CHST11: variants seen among roughly 807,000 people sequenced by gnomAD.
The protein encoded by CHST11 is C4S-1.
CHST11 carries 9 observed loss-of-function variants against 30.4 expected under a neutral mutation model. That is an observed-to-expected ratio of 0.30 (90% CI 0.18 to 0.52). The LOEUF (loss-of-function observed/expected upper bound fraction) is 0.52. Ranked by LOEUF, CHST11 falls within the 20% of genes least tolerant of loss-of-function variation. The pLI is 0.97. For synonymous variants in CHST11, 152 were observed against 187.8 expected (o/e 0.81, Z 1.56); for missense variants, 348 against 460.6 (o/e 0.76, Z 2.24).
chr12:104,487,891 C>T (rs1454521746), intron 1 of CHST11, among the ~76,000 whole-genome samples: 1 of 151,424 alleles, frequency 6.6e-6, no homozygotes, highest in Non-Finnish European at 1.5e-5. Flanking sequence ...CCACTTCGTA[C>T]ATCTATTAGA....
In CHST11 at chr12:104,761,488, C is replaced by CACAT. The variant is rs2040525509; in HGVS notation, c.*3688_*3689insTACA. On this transcript the variant is annotated 3_prime_UTR_variant, in exon 3 of 3. Coordinates refer to ENST00000303694, the MANE Select transcript of CHST11 (RefSeq NM_018413.6). ...CTACACACACACACACACACACACA[C>CACAT]ACACACACACACAATCTCAGCTGCG... The CACAT allele has an allele frequency of 6.5e-6, 1 of 154,026 alleles. No individual in the cohort carries two copies. The highest frequency in any genetic ancestry group is 2.4e-5 in the African/African-American group (1 of 41,388). The allele number at this position is 154,026 out of a possible 1,614,324, so 9.5% of individuals were successfully genotyped here. A position where few individuals can be genotyped will look rare whatever the true frequency, so the allele number is the denominator to read the frequency against.
chr12:104,547,217 G>T (rs1251060182), intron 1 of CHST11, among the ~76,000 whole-genome samples: 2 of 152,212 alleles, frequency 1.3e-5, no homozygotes, highest in African/African-American at 4.8e-5. Flanking sequence ...AGAAAGAAAT[G>T]CAGCCCCAGA....
At chr12:104,630,838 A>G (rs1162684446) in intron 2 of CHST11, among the ~76,000 whole-genome samples, 1 of 152,190 alleles carries the variant, frequency 6.6e-6, no homozygotes, top group African/African-American at 2.4e-5. Flanking sequence ...AAATGAGCAT[A>G]ATTGGATATC....
chr12:104,590,429 C>A (rs1436191288), intron 1 of CHST11, among the ~76,000 whole-genome samples: 2 of 152,194 alleles, frequency 1.3e-5, no homozygotes, highest in Non-Finnish European at 2.9e-5. Flanking sequence ...AGTTTCCTGT[C>A]TTTTGGGAAA....
In CHST11 at chr12:104,757,169, G is replaced by A; in HGVS notation, c.425G>A (p.Gly142Glu). 1 of 1,614,118 alleles carries A rather than the reference G, an allele frequency of 6.2e-7. No homozygotes were observed. Among genetic ancestry groups the A allele is most frequent in the South Asian group, 1.1e-5 (1 of 91,080 alleles). Residue 142 changes from glycine to glutamate, a missense_variant, in exon 3 of 3, where the codon GGG (glycine) becomes GAG (glutamate). This residue lies in a region of CHST11 where 210 missense variants were observed against 287.2 expected (regional missense o/e 0.73). Transcript: ENST00000303694. This position sits in a 1 kb window ranked among gnomAD's most constrained non-coding sequence, Gnocchi z 6.5. ...CTCATGATGGTCCTGACCGGGCGGG[G>A]GAAGTACAGCGACCCCATGGAGATC... ...KRLMMVLTGR[G>E]KYSDPMEIPA...
chr12:104,560,799 G>A (rs1235988364), intron 1 of CHST11, among the ~76,000 whole-genome samples: 1 of 152,204 alleles, frequency 6.6e-6, no homozygotes. Context: ...TAGACTGTGA[G>A]CTCCTTGAGT....
intron 1 of CHST11, among the ~76,000 whole-genome samples, chr12:104,512,218 A>G (rs1447004936): frequency 1.3e-5 from 2 of 152,238 alleles, no homozygotes; most frequent in Admixed American, 1.3e-4. Context: ...TCCAGGGTAG[A>G]AAGAAAATGA....
chr12:104,657,766 C>G (rs116516891), intron 2 of CHST11, among the ~76,000 whole-genome samples: 1 of 152,152 alleles, frequency 6.6e-6, no homozygotes. Context: ...CTCTGGACTC[C>G]GATGGCTGGA....
intron 2 of CHST11, among the ~76,000 whole-genome samples, chr12:104,668,806 AC>A: frequency 6.6e-6 from 1 of 152,190 alleles, no homozygotes; most frequent in Non-Finnish European, 1.5e-5. Context: ...CCCTCAGCAA[AC>A]TGTTCTCTTT....
intron 2 of CHST11, among the ~76,000 whole-genome samples, chr12:104,744,451 G>T (rs890675524): frequency 1.7e-4 from 26 of 152,108 alleles, no homozygotes; most frequent in African/African-American, 4.6e-4. Flanking sequence ...TTATGGGGTT[G>T]TTTTTTTCTT....
At chr12:104,602,224 C>A in intron 2 of CHST11, 1 of 555,722 alleles carries the variant, frequency 1.8e-6, no homozygotes, top group South Asian at 2.4e-5. Flanking sequence ...AGCATTCAGA[C>A]CTGCCCAGGG....
At chr12:104,756,862 A>T in intron 2 of CHST11, 87 bp from the exon 3 acceptor site, 1 of 1,466,818 alleles carries the variant, frequency 6.8e-7, no homozygotes, top group South Asian at 1.3e-5. Context: ...ATGTGTTTGA[A>T]CGGGTGGATT....
intron 1 of CHST11, among the ~76,000 whole-genome samples, chr12:104,473,169 C>T (rs192566598): frequency 2.1e-3 from 317 of 152,168 alleles, no homozygotes; most frequent in African/African-American, 7.4e-3. Flanking sequence ...AAAATGAACT[C>T]GGGGCCATTT....
At chr12:104,480,224 T>G (rs1004485387) in intron 1 of CHST11, among the ~76,000 whole-genome samples, 1 of 152,212 alleles carries the variant, frequency 6.6e-6, no homozygotes, top group Non-Finnish European at 1.5e-5. Context: ...ATTCATGTTC[T>G]TCCTGGAACC....
At chr12:104,482,342 G>A (rs117500213) in intron 1 of CHST11, among the ~76,000 whole-genome samples, 1,712 of 82,726 alleles carry the variant, frequency 0.021, 54 homozygotes, top group East Asian at 0.2. Context: ...ATCAAACAGG[G>A]AGCCCCCCCC....
chr12:104,466,322 AAAAAAAC>A (rs897472871), intron 1 of CHST11, among the ~76,000 whole-genome samples: 23 of 152,292 alleles, frequency 1.5e-4, no homozygotes, highest in African/African-American at 3.1e-4. Context: ...TGGCTGTTCA[AAAAAAAC>A]AAAAAACAAA....
At chr12:104,707,984 A>G (rs1390570914) in intron 2 of CHST11, among the ~76,000 whole-genome samples, 2 of 151,900 alleles carry the variant, frequency 1.3e-5, no homozygotes, top group Non-Finnish European at 2.9e-5. Flanking sequence ...ATGCATGTGC[A>G]TACAGACACA....
At chr12:104,473,909 C>CCAT (rs2037533772) in intron 1 of CHST11, among the ~76,000 whole-genome samples, 1 of 152,006 alleles carries the variant, frequency 6.6e-6, no homozygotes. Context: ...TAAAACATCA[C>CCAT]CATCATCACC....
At chr12:104,589,188 C>T (rs2038834000) in intron 1 of CHST11, among the ~76,000 whole-genome samples, 1 of 151,840 alleles carries the variant, frequency 6.6e-6, no homozygotes, top group Admixed American at 6.6e-5. Flanking sequence ...TTGCTTGAGT[C>T]CAGGAATTCA....
Sources: allele counts gnomAD v4.1 joint callset (sites outside exome capture counted in the v4.1 genomes callset), GRCh38; gene constraint gnomAD v4.1.1; regional missense constraint gnomAD v4.1.1; non-coding constraint Gnocchi (gnomAD v3.1); transcripts MANE v1.5; gene names NCBI Gene and HGNC (gene_info 2026-07-23, HGNC 2026-07-21).